The following NRXN3 variants were observed in gnomAD, a reference collection of about 807,000 sequenced individuals.
NRXN3 encodes neurexin 3.
Under a neutral mutation model 137.6 loss-of-function variants are expected in NRXN3, and 32 were observed. The ratio of observed to expected loss-of-function variants is 0.23; its 90% CI spans 0.18 to 0.31. The LOEUF (loss-of-function observed/expected upper bound fraction) is 0.31. Ranked by LOEUF, NRXN3 falls within the 10% of genes least tolerant of loss-of-function variation. The pLI, the probability that NRXN3 is intolerant of heterozygous loss-of-function variation, is 1.00. For missense variants in NRXN3, 1,574 were observed against 2,062.5 expected (o/e 0.76, Z 4.59); for synonymous variants, 798 against 784.5 (o/e 1.02, Z -0.29).
At chr14:79,643,499 T>C (rs2098441618) in intron 16 of NRXN3, among the ~76,000 whole-genome samples, 1 of 135,686 alleles carries the variant, frequency 7.4e-6, no homozygotes, top group South Asian at 2.3e-4. Context: ...GTTTTTTTTC[T>C]GGTCATTTTG....
intron 20 of NRXN3, among the ~76,000 whole-genome samples, chr14:79,809,397 C>T (rs2099223353): frequency 6.6e-6 from 1 of 152,146 alleles, no homozygotes; most frequent in South Asian, 2.1e-4. Flanking sequence ...CTTCAGTCTC[C>T]CAAAGTGCTG....
Position 78,336,195 on chromosome 14 carries a change from C to T in NRXN3, c.757+38335C>T, listed in dbSNP as rs535174576. 8.1e-4 allele frequency among the ~76,000 whole-genome samples: 124 copies of T among 152,246 alleles called. No individual in the cohort carries two copies. In the South Asian group the frequency reaches 0.011, roughly 14 times the overall value. On this transcript the variant is annotated intron_variant, in intron 4 of 20. Transcript: ENST00000335750. ...TGGGTGTAAGTGGTTCTAGAGACCA[C>T]GCTTTAAAGAATTCCTGTATTTGAC...
intron 10 of NRXN3, among the ~76,000 whole-genome samples, chr14:78,901,777 C>T (rs1445301539): frequency 1.3e-5 from 2 of 152,030 alleles, no homozygotes; most frequent in Non-Finnish European, 1.5e-5. Flanking sequence ...TTACTTGTAA[C>T]CATGTCTGAC....
intron 1 of NRXN3, among the ~76,000 whole-genome samples, chr14:78,204,255 A>T (rs983718564): frequency 4.1e-5 from 6 of 148,120 alleles, no homozygotes; most frequent in Admixed American, 4.0e-4. Flanking sequence ...AAAAAGTGAC[A>T]TTTTTTTTTT....
intron 4 of NRXN3, among the ~76,000 whole-genome samples, chr14:78,597,431 TTTTC>T (rs1484213896): frequency 6.6e-6 from 1 of 152,210 alleles, no homozygotes; most frequent in Non-Finnish European, 1.5e-5. Flanking sequence ...GAAGAATCTA[TTTTC>T]TTTGTTTTTT....
chr14:79,119,051 C>G (rs998941735), intron 15 of NRXN3, among the ~76,000 whole-genome samples: 2 of 152,014 alleles, frequency 1.3e-5, no homozygotes, highest in Non-Finnish European at 2.9e-5. Flanking sequence ...CTTTTAAAAC[C>G]CAAATTTTGT....
intron 8 of NRXN3, among the ~76,000 whole-genome samples, chr14:78,734,543 G>A (rs534308573): frequency 6.6e-6 from 1 of 152,290 alleles, no homozygotes; most frequent in Admixed American, 6.5e-5. Context: ...TTATAGTCTA[G>A]TGACAGGAGA....
At chr14:79,155,628 A>C (rs1596556394) in intron 15 of NRXN3, among the ~76,000 whole-genome samples, 1 of 151,838 alleles carries the variant, frequency 6.6e-6, no homozygotes, top group East Asian at 1.9e-4. Flanking sequence ...TAAAAGCTTT[A>C]AGAACAAATT....
chr14:78,540,918 T>G (rs1403342508), intron 4 of NRXN3, among the ~76,000 whole-genome samples: 1 of 152,222 alleles, frequency 6.6e-6, no homozygotes, highest in African/African-American at 2.4e-5. Flanking sequence ...TTGAAAATTC[T>G]TTTATTTTAG....
chr14:78,577,865 C>T (rs1323164333), intron 4 of NRXN3, among the ~76,000 whole-genome samples: 1 of 152,172 alleles, frequency 6.6e-6, no homozygotes, highest in African/African-American at 2.4e-5. Flanking sequence ...GTTTAATGCT[C>T]TCTTGAGATA....
At chr14:78,426,343 T>C (rs1463471921) in intron 4 of NRXN3, among the ~76,000 whole-genome samples, 1 of 152,150 alleles carries the variant, frequency 6.6e-6, no homozygotes, top group Admixed American at 6.5e-5. Flanking sequence ...TCTAACACCT[T>C]GACAGTAGGG....
chr14:78,513,458 A>G (rs754961369), intron 4 of NRXN3, among the ~76,000 whole-genome samples: 1 of 152,154 alleles, frequency 6.6e-6, no homozygotes, highest in African/African-American at 2.4e-5. Flanking sequence ...TTATTTCACA[A>G]TTGAAATCCT....
At chr14:79,624,807 G>T (rs1834240) in intron 16 of NRXN3, among the ~76,000 whole-genome samples, 7,913 of 121,150 alleles carry the variant, frequency 0.065, 870 homozygotes, top group African/African-American at 0.26. Context: ...TTTTTTGTTT[G>T]TTTTTGTTTT....
intron 4 of NRXN3, among the ~76,000 whole-genome samples, chr14:78,611,402 T>A (rs1352606573): frequency 6.6e-6 from 1 of 151,882 alleles, no homozygotes; most frequent in Admixed American, 6.6e-5. Flanking sequence ...TAGCTTCTCT[T>A]TTTTGTACTT....
intron 19 of NRXN3, among the ~76,000 whole-genome samples, chr14:79,718,877 T>C (rs546068009): frequency 6.6e-6 from 1 of 152,304 alleles, no homozygotes; most frequent in African/African-American, 2.4e-5. Context: ...TCATTCCAAA[T>C]GGTCTCTGTT....
At chr14:78,532,854 C>A (rs1472300741) in intron 4 of NRXN3, among the ~76,000 whole-genome samples, 4 of 151,902 alleles carry the variant, frequency 2.6e-5, no homozygotes, top group Admixed American at 1.3e-4. Flanking sequence ...ATTTTTCCAC[C>A]AAACTTGCTA....
chr14:78,556,018 T>C (rs2096733595), intron 4 of NRXN3, among the ~76,000 whole-genome samples: 1 of 152,224 alleles, frequency 6.6e-6, no homozygotes, highest in Non-Finnish European at 1.5e-5. Flanking sequence ...TCTTGTCTCC[T>C]TTTTCAAAGG....
At position 78,653,332 on chromosome 14, in the gene NRXN3, G is replaced by T. The variant is rs543833833; in HGVS notation, c.1221+2006G>T. On this transcript the variant is annotated intron_variant, in intron 6 of 20. Transcript: ENST00000335750. Reference sequence around the variant, plus strand: ...GAACCCTGAAAGACTCTTAAACACTGTTAAATCACACTACATTGGAATTGC... The same window carrying T: ...GAACCCTGAAAGACTCTTAAACACTTTTAAATCACACTACATTGGAATTGC... Among the ~76,000 whole-genome samples the T allele has an allele frequency of 5.3e-5, 8 of 152,252 alleles. No homozygotes were observed. In the South Asian group the frequency reaches 1.5e-3, roughly 28 times the overall value.
intron 4 of NRXN3, among the ~76,000 whole-genome samples, chr14:78,547,421 A>G (rs2096646992): frequency 6.6e-6 from 1 of 151,904 alleles, no homozygotes; most frequent in Non-Finnish European, 1.5e-5. Flanking sequence ...GATGGTCTCT[A>G]TCTCCTGACC....
Sources: allele counts gnomAD v4.1 joint callset (sites outside exome capture counted in the v4.1 genomes callset), GRCh38; gene constraint gnomAD v4.1.1; transcripts MANE v1.5; gene names NCBI Gene and HGNC (gene_info 2026-07-23, HGNC 2026-07-21).